Variants in SEMA4C observed in about 807,000 individuals in gnomAD.
SEMA4C encodes semaphorin-4C.
SEMA4C carries 19 observed loss-of-function variants against 89.0 expected under a neutral mutation model. The ratio of observed to expected loss-of-function variants is 0.21; its 90% confidence interval spans 0.15 to 0.31. SEMA4C has a LOEUF of 0.31. SEMA4C is among the 10% of genes least tolerant of loss of function. The probability of loss-of-function intolerance (pLI) is 1.00; values close to 1 mark genes in which losing one functional copy is unlikely to be tolerated. For missense variants in SEMA4C, 811 were observed against 1,107.0 expected (o/e 0.73, Z 3.79); for synonymous variants, 428 against 472.7 (o/e 0.91, Z 1.23).
In SEMA4C at chr2:96,869,961, C is replaced by T. The variant is rs1201609677; in HGVS notation, c.-123G>A. On this transcript the variant is annotated 5_prime_UTR_variant, in exon 1 of 15. Coordinates refer to ENST00000305476, the MANE Select transcript of SEMA4C (RefSeq NM_017789.5). ...ACCCCTGCCCCCGCGTCGCCGCCTG[C>T]CCGCGCTCGCCCGCCAGCCCTCCGC... 5 of 986,736 alleles carry T rather than the reference C, an allele frequency of 5.1e-6. No homozygotes were observed. The highest frequency in any genetic ancestry group is 4.5e-5 in the South Asian group (1 of 22,140). The allele number at this position is 986,736 out of a possible 1,614,324, so 61.1% of individuals were successfully genotyped here.
At chr2:96,868,532 G>C (rs1020210444) in intron 1 of SEMA4C, 28 of 986,034 alleles carry the variant, frequency 2.8e-5, no homozygotes, top group Non-Finnish European at 3.4e-5. Flanking sequence ...AGGAGTGTGA[G>C]AAGGGCCGGG....
At position 96,862,127 on chromosome 2, in the gene SEMA4C, C is replaced by G. The variant is rs1032632262; in HGVS notation, c.1444-233G>C. On this transcript the variant is annotated intron_variant, in intron 12 of 14. Coordinates refer to ENST00000305476, the MANE Select transcript of SEMA4C (RefSeq NM_017789.5). Reference sequence around the variant, plus strand: ...CCAGATGCAATCCTAAGCCCCTTATCGACGTGACGTTATTAGAAAGGGATG... The same window carrying G: ...CCAGATGCAATCCTAAGCCCCTTATGGACGTGACGTTATTAGAAAGGGATG... The G allele has an allele frequency of 1.7e-5, 9 of 527,568 alleles. No homozygotes were observed. In the South Asian group the frequency reaches 2.6e-4, roughly 15 times the overall value. 32.7% of individuals were successfully genotyped at this position (527,568 alleles called of 1,614,324 possible).
At chr2:96,866,546 T>C in intron 2 of SEMA4C, 115 bp from the exon 3 acceptor site, 5 of 1,408,836 alleles carry the variant, frequency 3.5e-6, no homozygotes, top group Non-Finnish European at 5.0e-6. Flanking sequence ...CCAAACCCCC[T>C]GATTGGCAAT....
rs1158192146 is a variant in SEMA4C, at chr2:96,866,661, A to G, written c.110-230T>C. The G allele has an allele frequency of 4.4e-6, 3 of 683,208 alleles. No individual in the cohort carries two copies. The East Asian group carries it at 8.5e-5, about 19-fold the overall frequency. The allele number at this position is 683,208 out of a possible 1,614,324, so 42.3% of individuals were successfully genotyped here. Reference sequence around the variant, plus strand: ...AAATCCAGGCTGCTGGGAGGAAGGAAGGATATCTCAGCCACAGCTTCCGGC... The same window carrying G: ...AAATCCAGGCTGCTGGGAGGAAGGAGGGATATCTCAGCCACAGCTTCCGGC... On this transcript the variant is annotated intron_variant, in intron 2 of 14. Transcript: ENST00000305476.
rs552879673 is a variant in SEMA4C at position 96,861,689 on chromosome 2, A to G, written c.1602-40T>C. ...AGGGTACATCAGCAGCCTGGCTCCA[A>G]CCACCCTGAGTCCCTGGAGGTCCTG... On this transcript the variant is annotated intron_variant, in intron 13 of 14. Transcript: ENST00000305476. The surrounding 1 kb of genome is among the most constrained non-coding windows in gnomAD (Gnocchi z 7.8). 39 of 1,599,994 alleles carry G rather than the reference A, an allele frequency of 2.4e-5. No homozygotes were observed. The highest frequency in any genetic ancestry group is 3.3e-4 in the Middle Eastern group (2 of 5,992).
Position 96,867,894 on chromosome 2 carries a change from G to A in SEMA4C, c.-8C>T, listed in dbSNP as rs202229296. 8.7e-6 allele frequency: 14 copies of A among 1,613,446 alleles called. No individual in the cohort carries two copies. The highest frequency in any genetic ancestry group is 6.7e-5 in the East Asian group (3 of 44,876). On this transcript the variant is annotated 5_prime_UTR_variant, in exon 2 of 15. Transcript: ENST00000305476. ...AGCCCAGTGTGGGGCCATGGCGCAC[G>A]CCCCGGCTCTGAGCTTCAGGCCAGC... is the stretch of plus-strand genomic sequence containing the variant.
Position 96,864,662 on chromosome 2 carries a change from A to ACTCCT in SEMA4C, c.962+42_962+43insAGGAG, listed in dbSNP as rs759237798. ...CACCCATGCACCGTCCCTGACCTGAACCCCAGCTCCTCCCCACTCTGTGGG... is the reference window on the plus strand; with the variant it reads ...CACCCATGCACCGTCCCTGACCTGAACTCCTCCCCAGCTCCTCCCCACTCTGTGGG... On this transcript the variant is annotated intron_variant, in intron 9 of 14. Transcript: ENST00000305476. The surrounding 1 kb of genome is among the most constrained non-coding windows in gnomAD (Gnocchi z 6.3). The ACTCCT allele has an allele frequency of 6.4e-7, 1 of 1,568,756 alleles. No individual in the cohort carries two copies. The highest frequency in any genetic ancestry group is 1.8e-5 in the Admixed American group (1 of 56,898).
Position 96,864,658 on chromosome 2 carries a change from C to A in SEMA4C, c.962+47G>T. 6.4e-7 allele frequency: 1 copy of A among 1,567,858 alleles called. No individual in the cohort carries two copies. Among genetic ancestry groups the A allele is most frequent in the South Asian group, 1.2e-5 (1 of 83,598 alleles). ...CTCCCACCCATGCACCGTCCCTGAC[C>A]TGAACCCCAGCTCCTCCCCACTCTG... is the stretch of plus-strand genomic sequence containing the variant. On this transcript the variant is annotated intron_variant, in intron 9 of 14. Transcript: ENST00000305476. This position sits in a 1 kb window ranked among gnomAD's most constrained non-coding sequence, Gnocchi z 6.3.
Position 96,860,725 on chromosome 2 carries a change from C to A in SEMA4C, c.2403G>T (p.Gly801=), listed in dbSNP as rs754417016. The stretch of plus-strand genomic sequence containing the variant: ...CGAGCTCAGGCAGGGGGTGCCCGAG[C>A]CCTCCCCGGTCCTCCCCTCCTAGTT... ...RLQLGGEDRG[G]LGHPLPELAD... Residue 801 remains glycine (G), a synonymous_variant, in exon 15 of 15, where the codon GGG becomes GGT. Coordinates refer to ENST00000305476, the MANE Select transcript of SEMA4C (RefSeq NM_017789.5). 3.1e-6 allele frequency: 5 copies of A among 1,613,770 alleles called. No homozygotes were observed. The Admixed American group carries it at 8.3e-5, about 27-fold the overall frequency.
chr2:96,861,918 A>T lies in SEMA4C; in HGVS notation c.1444-24T>A. 1 of 1,587,460 alleles carries T rather than the reference A, an allele frequency of 6.3e-7. No individual in the cohort carries two copies. The highest frequency in any genetic ancestry group is 8.6e-7 in the Non-Finnish European group (1 of 1,167,998). On this transcript the variant is annotated intron_variant, in intron 12 of 14. Coordinates refer to ENST00000305476, the MANE Select transcript of SEMA4C (RefSeq NM_017789.5). The surrounding 1 kb of genome is among the most constrained non-coding windows in gnomAD (Gnocchi z 7.8). Reference sequence around the variant, plus strand: ...TTCTGCGAGAAAAGCGGGGCGCAGGAGGGGGGTCGGCCAGGGCCACACCAC... The same window carrying T: ...TTCTGCGAGAAAAGCGGGGCGCAGGTGGGGGGTCGGCCAGGGCCACACCAC...
At chr2:96,869,083 C>T in intron 1 of SEMA4C, 1 of 985,436 alleles carries the variant, frequency 1.0e-6, no homozygotes, top group Non-Finnish European at 1.2e-6. Flanking sequence ...GCGAGCCCGG[C>T]CTGCGGACGC....
rs577378345 is a variant in SEMA4C, at chr2:96,866,337, G to C, written c.204C>G (p.Gly68=). 1 of 1,613,352 alleles carries C rather than the reference G, an allele frequency of 6.2e-7. No individual in the cohort carries two copies. The highest frequency in any genetic ancestry group is 8.5e-7 in the Non-Finnish European group (1 of 1,179,684). ...LTEPTGLLYV[G]AREALFAFSM... The stretch of plus-strand genomic sequence containing the variant: ...TGAAGGCAAACAGGGCCTCTCGGGC[G>C]CCCACGTACAGAAGCCCAGTGGGCT... The change falls in exon 3 of 15, where the codon GGC becomes GGG. Residue 68 remains glycine (G), a synonymous_variant. Coordinates refer to ENST00000305476, the MANE Select transcript of SEMA4C (RefSeq NM_017789.5).
rs2153366003 is a variant in SEMA4C at position 96,869,244 on chromosome 2, C to T, written c.-38+632G>A. ...CGAGGATCCGCCCGGCAGCGGTGCTCCCACCCGCAGCTCCCCCCAGGGCGA... is the reference window on the plus strand; with the variant it reads ...CGAGGATCCGCCCGGCAGCGGTGCTTCCACCCGCAGCTCCCCCCAGGGCGA... On this transcript the variant is annotated intron_variant, in intron 1 of 14. Coordinates refer to ENST00000305476, the MANE Select transcript of SEMA4C (RefSeq NM_017789.5). 4 of 985,314 alleles carry T rather than the reference C, an allele frequency of 4.1e-6. No homozygotes were observed. In the South Asian group the frequency reaches 1.4e-4, roughly 35 times the overall value. The allele number at this position is 985,314 out of a possible 1,614,324, so 61.0% of individuals were successfully genotyped here. A position where few individuals can be genotyped will look rare whatever the true frequency, so the allele number is the denominator to read the frequency against.
chr2:96,868,784 C>A (rs2080141187), intron 1 of SEMA4C: 2 of 985,078 alleles, frequency 2.0e-6, no homozygotes, highest in Non-Finnish European at 2.4e-6. Context: ...TCCTCCCGGG[C>A]CGCTGGCAAC....
rs768846129 is a variant in SEMA4C at position 96,860,789 on chromosome 2, C to A, written c.2339G>T (p.Gly780Val). The change falls in exon 15 of 15, where the codon GGT becomes GTT. Residue 780 changes from glycine (G) to valine (V), a missense_variant. Gly to Val is a moderately radical substitution (Grantham distance 109). Around this residue, in one of 4 missense-constraint regions of SEMA4C, gnomAD observed 248 missense variants for 269.0 expected, o/e 0.92. Coordinates refer to ENST00000305476, the MANE Select transcript of SEMA4C (RefSeq NM_017789.5). The stretch of plus-strand genomic sequence containing the variant: ...ACCATTGGCATTTGAGTTCCGCCCA[C>A]CCCCCAGGTGAAGCCGAGTTGGAGA... ...LPSPTRLHLG[G>V]GRNSNANGYV... The A allele has an allele frequency of 6.2e-7, 1 of 1,613,724 alleles. No individual in the cohort carries two copies. The highest frequency in any genetic ancestry group is 2.2e-5 in the East Asian group (1 of 44,878).
rs1490189037 is a variant in SEMA4C at position 96,859,999 on chromosome 2, A to G, written c.*627T>C. Reference sequence around the variant, plus strand: ...GGAGGCCCCACCCACCCTTCCCCCCAAACACACAGGAGGCTCCATCTCCCT... The same window carrying G: ...GGAGGCCCCACCCACCCTTCCCCCCGAACACACAGGAGGCTCCATCTCCCT... On this transcript the variant is annotated 3_prime_UTR_variant, in exon 15 of 15. Coordinates refer to ENST00000305476, the MANE Select transcript of SEMA4C (RefSeq NM_017789.5). The G allele has an allele frequency of 1.1e-4, 1 of 8,828 alleles. No individual in the cohort carries two copies. Among genetic ancestry groups the G allele is most frequent in the East Asian group, 6.9e-3 (1 of 144 alleles). 0.5% of individuals were successfully genotyped at this position (8,828 alleles called of 1,614,324 possible).
At position 96,865,820 on chromosome 2, in the gene SEMA4C, A is replaced by G. The variant is rs762458028; in HGVS notation, c.321+47T>C. On this transcript the variant is annotated intron_variant, in intron 4 of 14. Transcript: ENST00000305476. ...AGCGCGAGGGCCAGAATGGGAGGAG[A>G]CGTCCTGGGGTGAAGGCAGCACCAG... 1.3e-5 allele frequency: 21 copies of G among 1,613,216 alleles called. No individual in the cohort carries two copies. The Admixed American group carries it at 3.5e-4, about 27-fold the overall frequency.
Position 96,861,081 on chromosome 2 carries a change from C to CCAG in SEMA4C, c.2044_2046dup (p.Leu682dup), listed in dbSNP as rs756657349. 4 of 1,612,562 alleles carry CCAG rather than the reference C, an allele frequency of 2.5e-6. No individual in the cohort carries two copies. The highest frequency in any genetic ancestry group is 3.3e-5 in the Admixed American group (2 of 59,976). On this transcript the variant is annotated inframe_insertion, in exon 15 of 15. Transcript: ENST00000305476. The surrounding 1 kb of genome is among the most constrained non-coding windows in gnomAD (Gnocchi z 7.8). ...CGCAGCCGCCGGCGCAATGACAGCA[C>CCAG]CAGCAGCAGCAGCACCAGGCACACA...
In SEMA4C at chr2:96,869,294, G is replaced by A. The variant is rs557286049; in HGVS notation, c.-38+582C>T. 1,476 of 985,382 alleles carry A rather than the reference G, an allele frequency of 1.5e-3. 17 individuals are homozygous for A. The African/African-American group carries it at 0.024, about 16-fold the overall frequency. 61.0% of individuals were successfully genotyped at this position (985,382 alleles called of 1,614,324 possible). On this transcript the variant is annotated intron_variant, in intron 1 of 14. Transcript: ENST00000305476. ...AGGAAACGGGCAGCCGGGAGGAGGG[G>A]TTGGGGGGAGGGGTGCGGGATCCAG...
Sources: allele counts gnomAD v4.1 joint callset, GRCh38; gene constraint gnomAD v4.1.1; regional missense constraint gnomAD v4.1.1; non-coding constraint Gnocchi (gnomAD v3.1); transcripts MANE v1.5; gene names NCBI Gene and HGNC (gene_info 2026-07-23, HGNC 2026-07-21).